The following LDLRAD4 variants were observed in gnomAD, a reference collection of about 807,000 sequenced individuals.
The protein encoded by LDLRAD4 is low density lipoprotein receptor class A domain containing 4, also known as low-density lipoprotein receptor class A domain-containing protein 4.
In LDLRAD4, 5 loss-of-function variants were observed where a neutral mutation model predicts 17.0. The observed-to-expected ratio is 0.29, with a 90% CI of 0.15 to 0.62. The LOEUF (loss-of-function observed/expected upper bound fraction) is 0.62, where lower values mean the gene tolerates loss of function less well. LDLRAD4 is among the 20% of genes least tolerant of loss of function. The pLI is 0.84. For synonymous variants in LDLRAD4, 168 were observed against 171.8 expected (o/e 0.98, Z 0.17); for missense variants, 340 against 424.7 (o/e 0.80, Z 1.75).
At chr18:13,479,308 G>A (rs1600685577) in intron 3 of LDLRAD4, among the ~76,000 whole-genome samples, 1 of 152,208 alleles carries the variant, frequency 6.6e-6, no homozygotes. Context: ...TTTCTGCCCT[G>A]TGAAAGACAC....
At chr18:13,522,663 G>T (rs2093969986) in intron 3 of LDLRAD4, 1 of 152,034 alleles carries the variant, frequency 6.6e-6, no homozygotes, top group Non-Finnish European at 1.5e-5. Flanking sequence ...GGACTAGAAT[G>T]ATATGGCATC....
At chr18:13,338,363 C>A (rs530427918) in intron 1 of LDLRAD4, among the ~76,000 whole-genome samples, 1 of 152,142 alleles carries the variant, frequency 6.6e-6, no homozygotes, top group South Asian at 2.1e-4. Flanking sequence ...TCTTTTCTAT[C>A]CAGGTTCCCA....
At chr18:13,449,586 G>T (rs1183306262) in intron 3 of LDLRAD4, among the ~76,000 whole-genome samples, 1 of 152,260 alleles carries the variant, frequency 6.6e-6, no homozygotes, top group Non-Finnish European at 1.5e-5. Flanking sequence ...CTTCCTGCGG[G>T]CGTGCACCTG....
At chr18:13,313,649 A>G (rs537224188) in intron 1 of LDLRAD4, among the ~76,000 whole-genome samples, 3 of 152,336 alleles carry the variant, frequency 2.0e-5, no homozygotes, top group East Asian at 3.9e-4. Flanking sequence ...CATTTGAACA[A>G]GAACGTTTTG....
intron 1 of LDLRAD4, among the ~76,000 whole-genome samples, chr18:13,344,542 C>A (rs1407859538): frequency 6.6e-6 from 1 of 152,170 alleles, no homozygotes; most frequent in Non-Finnish European, 1.5e-5. Context: ...GTTCTTTTGG[C>A]TTAGGATTGT....
At chr18:13,508,095 T>C (rs2093723052) in intron 3 of LDLRAD4, among the ~76,000 whole-genome samples, 1 of 152,158 alleles carries the variant, frequency 6.6e-6, no homozygotes, top group African/African-American at 2.4e-5. Context: ...GTTTAAGTGG[T>C]CTGGATAGAA....
chr18:13,251,125 A>G (rs2043205850), intron 1 of LDLRAD4, among the ~76,000 whole-genome samples: 1 of 152,188 alleles, frequency 6.6e-6, no homozygotes, highest in Non-Finnish European at 1.5e-5. Context: ...AAGGACAAAA[A>G]CCACATGAAC....
chr18:13,569,728 C>T (rs1403502015), intron 3 of LDLRAD4, among the ~76,000 whole-genome samples: 1 of 152,060 alleles, frequency 6.6e-6, no homozygotes, highest in African/African-American at 2.4e-5. Flanking sequence ...CTACTAAAAA[C>T]ACAAAATTTA....
chr18:13,385,118 C>T (rs775608130), intron 1 of LDLRAD4, among the ~76,000 whole-genome samples: 2 of 152,204 alleles, frequency 1.3e-5, no homozygotes, highest in Admixed American at 6.5e-5. Flanking sequence ...TACACGGGTT[C>T]CCTTTTCTCC....
At chr18:13,572,610 C>T (rs746032504) in intron 3 of LDLRAD4, among the ~76,000 whole-genome samples, 2 of 152,156 alleles carry the variant, frequency 1.3e-5, no homozygotes, top group Non-Finnish European at 2.9e-5. Flanking sequence ...GAAGAGTCAG[C>T]GGGAGGAGAG....
intron 2 of LDLRAD4, 89 bp from the exon 4 acceptor site, chr18:13,438,155 A>C: frequency 8.3e-7 from 1 of 1,201,584 alleles, no homozygotes; most frequent in Non-Finnish European, 1.2e-6. Context: ...ATGGCATGCA[A>C]ATGGGGGAAA....
intron 1 of LDLRAD4, among the ~76,000 whole-genome samples, chr18:13,233,137 TGC>T (rs2042164714): frequency 6.6e-6 from 1 of 152,270 alleles, no homozygotes; most frequent in African/African-American, 2.4e-5. Context: ...GCCACCTCTT[TGC>T]AGGCGCCTGT....
chr18:13,595,096 A>G (rs1474853212), intron 3 of LDLRAD4, among the ~76,000 whole-genome samples: 20 of 151,904 alleles, frequency 1.3e-4, no homozygotes, highest in Admixed American at 1.2e-3. Flanking sequence ...TGCCCCTTTC[A>G]TTCCTGATTT....
intron 4 of LDLRAD4, among the ~76,000 whole-genome samples, chr18:13,634,090 C>T (rs952503126): frequency 2.0e-5 from 3 of 152,190 alleles, no homozygotes; most frequent in African/African-American, 7.2e-5. Context: ...ATGAAAAGCC[C>T]ACAGCTTACA....
chr18:13,297,567 G>T (rs534060931), intron 1 of LDLRAD4, among the ~76,000 whole-genome samples: 55 of 152,322 alleles, frequency 3.6e-4, no homozygotes, highest in African/African-American at 1.3e-3. Context: ...GGCTGAGGTG[G>T]GAGGATGGCT....
chr18:13,454,795 C>T (rs1024120645), intron 3 of LDLRAD4, among the ~76,000 whole-genome samples: 2 of 152,166 alleles, frequency 1.3e-5, no homozygotes, highest in African/African-American at 4.8e-5. Flanking sequence ...GTGACAGTCC[C>T]TGATGAATGG....
chr18:13,576,495 T>G (rs1486441755), intron 3 of LDLRAD4, among the ~76,000 whole-genome samples: 10 of 151,992 alleles, frequency 6.6e-5, no homozygotes, highest in African/African-American at 2.4e-4. Flanking sequence ...CTTGCCTAGC[T>G]TAAAGCCATG....
At chr18:13,641,787 A>C in intron 4 of LDLRAD4, 1 of 985,602 alleles carries the variant, frequency 1.0e-6, no homozygotes, top group African/African-American at 1.7e-5. Context: ...GCCGGACTGG[A>C]CGGCGGCTCC....
chr18:13,554,781 G>A (rs1046522595), intron 3 of LDLRAD4, among the ~76,000 whole-genome samples: 5 of 152,114 alleles, frequency 3.3e-5, no homozygotes, highest in African/African-American at 1.2e-4. Flanking sequence ...TGTAATTTAT[G>A]TAGACACTCT....
Sources: allele counts gnomAD v4.1 joint callset (sites outside exome capture counted in the v4.1 genomes callset), GRCh38; gene constraint gnomAD v4.1.1; transcripts MANE v1.5; gene names NCBI Gene and HGNC (gene_info 2026-07-23, HGNC 2026-07-21).